Variants in PPP2R2D observed in about 807,000 individuals in gnomAD.
PPP2R2D encodes serine/threonine-protein phosphatase 2A 55 kDa regulatory subunit B delta isoform.
A neutral mutation model predicts 31.1 loss-of-function variants in PPP2R2D; 9 were observed. That is an observed-to-expected ratio of 0.29 (90% CI 0.17 to 0.51). The LOEUF is 0.51. Among genes scored for constraint, PPP2R2D ranks in the 20% least tolerant of loss-of-function variants. PPP2R2D has a pLI of 0.98. For missense variants in PPP2R2D, 391 were observed against 465.6 expected (o/e 0.84, Z 1.48); for synonymous variants, 179 against 172.6 (o/e 1.04, Z -0.29).
chr10:131,923,884 G>A (rs1179377433), intron 2 of PPP2R2D, among the ~76,000 whole-genome samples: 1 of 152,088 alleles, frequency 6.6e-6, no homozygotes, highest in Non-Finnish European at 1.5e-5. Context: ...AGCCTCCCAA[G>A]TAGCTGGGAC....
intron 2 of PPP2R2D, among the ~76,000 whole-genome samples, chr10:131,932,653 A>AAAAAAAAAAAAAAAAAAAC (rs2036259402): frequency 6.8e-6 from 1 of 146,834 alleles, no homozygotes; most frequent in African/African-American, 2.6e-5. Flanking sequence ...TCTCAAAAAA[A>AAAAAAAAAAAAAAAAAAAC]AAAAAAAAAA....
intron 2 of PPP2R2D, among the ~76,000 whole-genome samples, chr10:131,902,485 T>A (rs1170289360): frequency 6.6e-6 from 1 of 152,182 alleles, no homozygotes; most frequent in African/African-American, 2.4e-5. Flanking sequence ...AAACAGGGCC[T>A]AGGTTATTAA....
At position 131,959,381 on chromosome 10, in the gene PPP2R2D, TG is replaced by T; in HGVS notation, c.*3419del. ...CCCCTGTGGAGATGAAGGCGTGTGC[TG>T]ATCCGCCATCCCACTGTGGAGATGA... On this transcript the variant is annotated 3_prime_UTR_variant, in exon 9 of 9. Transcript: ENST00000455566. The T allele has an allele frequency of 1.4e-5, 2 of 147,380 alleles. No individual in the cohort carries two copies. The highest frequency in any genetic ancestry group is 3.0e-5 in the Non-Finnish European group (2 of 66,718). The allele number at this position is 147,380 out of a possible 1,614,324, so 9.1% of individuals were successfully genotyped here.
chr10:131,906,418 T>C (rs987802544), intron 2 of PPP2R2D, among the ~76,000 whole-genome samples: 2 of 152,240 alleles, frequency 1.3e-5, no homozygotes, highest in Non-Finnish European at 2.9e-5. Context: ...TCTAAAGAGA[T>C]AGACTAAACA....
intron 8 of PPP2R2D, among the ~76,000 whole-genome samples, chr10:131,953,250 C>T (rs1347425947): frequency 8.3e-5 from 2 of 23,990 alleles, no homozygotes; most frequent in East Asian, 1.2e-3. Context: ...CAGTGACTTG[C>T]GGGGGGGTCC....
At chr10:131,937,873 GA>G (rs1554896695) in intron 3 of PPP2R2D, among the ~76,000 whole-genome samples, 1 of 152,184 alleles carries the variant, frequency 6.6e-6, no homozygotes, top group Non-Finnish European at 1.5e-5. Context: ...AGGGTCAAAG[GA>G]GAACAGTTTC....
chr10:131,963,633 C>T (rs550884597), downstream of PPP2R2D, among the ~76,000 whole-genome samples: 5 of 152,382 alleles, frequency 3.3e-5, no homozygotes, highest in South Asian at 6.2e-4. Flanking sequence ...CGGCTTCTGA[C>T]GCCACAGGGC....
At chr10:131,907,842 A>G (rs1832982841) in intron 2 of PPP2R2D, among the ~76,000 whole-genome samples, 1 of 152,116 alleles carries the variant, frequency 6.6e-6, no homozygotes, top group Non-Finnish European at 1.5e-5. Context: ...CGTGAAGTTA[A>G]GTTTACAAGA....
intron 2 of PPP2R2D, among the ~76,000 whole-genome samples, chr10:131,904,683 G>A (rs1424718787): frequency 6.6e-6 from 1 of 152,152 alleles, no homozygotes; most frequent in Admixed American, 6.5e-5. Flanking sequence ...CTTTACTACA[G>A]CCCTGCACTC....
chr10:131,939,108 C>T (rs11597095), intron 3 of PPP2R2D, among the ~76,000 whole-genome samples: 55,351 of 123,412 alleles, frequency 0.45, 11,102 homozygotes, highest in East Asian at 0.51. Flanking sequence ...CTCCAGAAAA[C>T]ACGGCAGGCT....
chr10:131,970,809 C>G, the PPP2R2D span: 1 of 1,614,228 alleles, frequency 6.2e-7, no homozygotes, highest in Non-Finnish European at 8.5e-7. The surrounding 1 kb of genome is among the most constrained non-coding windows in gnomAD (Gnocchi z 4.1). Flanking sequence ...AGAAACGTGT[C>G]AGCTGATGTG....
chr10:131,949,284 C>A (rs2036598933), intron 8 of PPP2R2D, among the ~76,000 whole-genome samples: 1 of 152,118 alleles, frequency 6.6e-6, no homozygotes, highest in African/African-American at 2.4e-5. Flanking sequence ...GCTTTCACAG[C>A]GGGCAGTAAA....
At position 131,945,502 on chromosome 10, in the gene PPP2R2D, C is replaced by T; in HGVS notation, c.820+43C>T. ...TGAGATGGAGTCTGGCTCTGTCACC[C>T]AGGCTGCGGTGCAGTGACACAGTCT... On this transcript the variant is annotated intron_variant, in intron 7 of 8. Transcript: ENST00000455566. This position sits in a 1 kb window ranked among gnomAD's most constrained non-coding sequence, Gnocchi z 4.8. 2 of 1,558,958 alleles carry T rather than the reference C, an allele frequency of 1.3e-6. No individual in the cohort carries two copies. Among genetic ancestry groups the T allele is most frequent in the Non-Finnish European group, 1.7e-6 (2 of 1,147,144 alleles).
At position 131,919,649 on chromosome 10, in the gene PPP2R2D, A is replaced by G. The variant is rs199600345; in HGVS notation, c.101-14809A>G. Among the ~76,000 whole-genome samples, 442 of 70,646 alleles carry G rather than the reference A, an allele frequency of 6.3e-3. 1 individual carries two copies. Among genetic ancestry groups the G allele is most frequent in the Middle Eastern group, 0.044 (3 of 68 alleles). 46.3% of individuals were successfully genotyped at this position (70,646 alleles called of 152,430 possible). On this transcript the variant is annotated intron_variant, in intron 2 of 8. Coordinates refer to ENST00000455566, the MANE Select transcript of PPP2R2D (RefSeq NM_018461.5). The stretch of plus-strand genomic sequence containing the variant: ...GTGTTTGTAGGGACCTCAGGCGGGT[A>G]GGATGACACAGTGTAGGGACCTCAC...
intron 1 of PPP2R2D, 26 bp downstream of exon 1, chr10:131,901,181 G>A: frequency 3.1e-6 from 1 of 327,708 alleles, no homozygotes; most frequent in Non-Finnish European, 5.5e-6. Flanking sequence ...GGGCCGGCGG[G>A]GACCACGGGG....
At chr10:131,918,713 T>C (rs1320174876) in intron 2 of PPP2R2D, among the ~76,000 whole-genome samples, 1 of 148,098 alleles carries the variant, frequency 6.8e-6, no homozygotes, top group Non-Finnish European at 1.5e-5. Flanking sequence ...TGACAGTGTT[T>C]GTAGGGACCT....
At chr10:131,932,859 G>A (rs917887257) in intron 2 of PPP2R2D, among the ~76,000 whole-genome samples, 6 of 151,892 alleles carry the variant, frequency 4.0e-5, no homozygotes, top group African/African-American at 9.7e-5. Context: ...TTAGGTTCAC[G>A]CGTGTTTGTG....
intron 2 of PPP2R2D, among the ~76,000 whole-genome samples, chr10:131,917,828 C>T (rs1198659653): frequency 3.6e-5 from 4 of 110,014 alleles, no homozygotes; most frequent in Admixed American, 2.6e-4. Context: ...GGACCTCAGG[C>T]GGGTGGAATG....
chr10:131,940,879 C>T (rs575815081), intron 5 of PPP2R2D, 185 bp downstream of exon 5: 1 of 513,508 alleles, frequency 1.9e-6, no homozygotes, highest in Admixed American at 3.6e-5. Flanking sequence ...CCTGTTTTCA[C>T]AAAGGCAGAA....
Sources: gnomAD v4.1 joint callset for allele counts (sites outside exome capture counted in the v4.1 genomes callset) on GRCh38, gnomAD v4.1.1 for gene constraint, Gnocchi (gnomAD v3.1) non-coding constraint, MANE v1.5 for transcripts, NCBI Gene and HGNC (gene_info 2026-07-23, HGNC 2026-07-21) for gene names.